ADH1A: variants seen among roughly 807,000 people sequenced by gnomAD.
The protein encoded by ADH1A is alcohol dehydrogenase 1A (class I), alpha polypeptide.
Under a neutral mutation model 35.2 loss-of-function variants are expected in ADH1A, and 29 were observed. The ratio of observed to expected loss-of-function variants is 0.82; its 90% CI spans 0.61 to 1.12. The LOEUF is 1.12. Among genes scored for constraint, ADH1A ranks in the 50% most tolerant of loss-of-function variants. ADH1A has a pLI of 0.00. For synonymous variants in ADH1A, 147 were observed against 164.8 expected (o/e 0.89, Z 0.83); for missense variants, 469 against 464.7 (o/e 1.01, Z -0.09).
chr4:99,283,876 C>T (rs1733066414), intron 5 of ADH1A, among the ~76,000 whole-genome samples: 1 of 152,066 alleles, frequency 6.6e-6, no homozygotes, highest in South Asian at 2.1e-4. Context: ...ATCACTGAAG[C>T]GTCATTACTT....
At chr4:99,278,891 T>A (rs1382754934) in intron 8 of ADH1A, among the ~76,000 whole-genome samples, 1 of 152,038 alleles carries the variant, frequency 6.6e-6, no homozygotes, top group African/African-American at 2.4e-5. Context: ...TTATAATAAC[T>A]TTTATTGATA....
intron 7 of ADH1A, 57 bp from the exon 8 acceptor site, chr4:99,279,621 GAGA>G (rs1682345904): frequency 7.7e-6 from 12 of 1,554,176 alleles, no homozygotes; most frequent in African/African-American, 2.8e-5. Context: ...GAGAATTGAA[GAGA>G]AGATTTTCCA....
At chr4:99,289,726 A>G (rs2110613682) in intron 1 of ADH1A, among the ~76,000 whole-genome samples, 1 of 152,278 alleles carries the variant, frequency 6.6e-6, no homozygotes, top group East Asian at 1.9e-4. Flanking sequence ...AGGGGAGGCA[A>G]TTGTCTATTT....
chr4:99,283,609 A>G (rs1207902472), intron 5 of ADH1A, among the ~76,000 whole-genome samples: 3 of 152,220 alleles, frequency 2.0e-5, no homozygotes, highest in Non-Finnish European at 4.4e-5. Context: ...ATCATGATCT[A>G]AGATTCAGCA....
At chr4:99,280,571 T>G (rs2110604401) in intron 6 of ADH1A, among the ~76,000 whole-genome samples, 1 of 152,320 alleles carries the variant, frequency 6.6e-6, no homozygotes, top group Middle Eastern at 3.4e-3. Context: ...TAAGTCCAGT[T>G]CCTTATATAA....
At chr4:99,282,685 A>G in intron 5 of ADH1A, 79 bp from the exon 6 acceptor site, 1 of 1,543,334 alleles carries the variant, frequency 6.5e-7, no homozygotes. Context: ...AAAGCTGCTC[A>G]AACTCTTCTG....
rs915112444 is a variant in ADH1A at position 99,284,934 on chromosome 4, T to A, written c.260-131A>T. ...AAAGTCTCCAAGAAATACAGTCCAA[T>A]CACAAATATGTCATTTGTCATTGCC... is the stretch of plus-strand genomic sequence containing the variant. On this transcript the variant is annotated intron_variant, in intron 3 of 8. Transcript: ENST00000209668. 19 of 839,880 alleles carry A rather than the reference T, an allele frequency of 2.3e-5. No individual in the cohort carries two copies. The African/African-American group carries it at 2.8e-4, about 12-fold the overall frequency. The allele number at this position is 839,880 out of a possible 1,614,324, so 52.0% of individuals were successfully genotyped here.
At position 99,284,782 on chromosome 4, in the gene ADH1A, G is replaced by C. The variant is rs764484478; in HGVS notation, c.281C>G (p.Ala94Gly). Residue 94 changes from alanine (A) to glycine (G), a missense_variant, in exon 4 of 9, where the codon GCT (alanine) becomes GGT (glycine). Physicochemically the swap from Ala to Gly is moderately conservative, Grantham distance 60. Transcript: ENST00000209668. ...VKPGDKVIPL[A>G]IPQCGKCRIC... is the part of the protein sequence containing the mutation. ...TCTGCATTTTCCACACTGAGGAATA[G>C]CGAGTGGGATGACTTTATCACCTGG... is the stretch of plus-strand genomic sequence containing the variant. 3 of 1,614,044 alleles carry C rather than the reference G, an allele frequency of 1.9e-6. No homozygotes were observed. In the African/African-American group the frequency reaches 4.0e-5, roughly 22 times the overall value.
chr4:99,287,234 T>C (rs1733174575), intron 2 of ADH1A, among the ~76,000 whole-genome samples: 1 of 152,170 alleles, frequency 6.6e-6, no homozygotes, highest in South Asian at 2.1e-4. Flanking sequence ...AATAGTTAAG[T>C]CTTAAATAAT....
intron 2 of ADH1A, 149 bp downstream of exon 2, chr4:99,287,415 T>G (rs1348420170): frequency 1.3e-6 from 1 of 788,606 alleles, no homozygotes; most frequent in Non-Finnish European, 1.9e-6. Context: ...GTGTGCACTT[T>G]TTTAAAATTT....
At chr4:99,278,480 A>G (rs1299773155) in intron 8 of ADH1A, 1 of 152,112 alleles carries the variant, frequency 6.6e-6, no homozygotes, top group Non-Finnish European at 1.5e-5. Flanking sequence ...GACACCGAGC[A>G]TTGCCTGGGA....
At chr4:99,287,010 T>A (rs1462985219) in intron 2 of ADH1A, 22 bp from the exon 3 acceptor site, 3 of 1,598,030 alleles carry the variant, frequency 1.9e-6, no homozygotes, top group Admixed American at 1.8e-5. Flanking sequence ...AGAGAAGATG[T>A]TTATAAAAGA....
At chr4:99,290,737 T>C (rs944139122) in intron 1 of ADH1A, among the ~76,000 whole-genome samples, 160 bp downstream of exon 1, 1 of 152,226 alleles carries the variant, frequency 6.6e-6, no homozygotes, top group African/African-American at 2.4e-5. Context: ...TCCACTGTAG[T>C]TCAGTATACA....
At chr4:99,287,374 A>G (rs1733178907) in intron 2 of ADH1A, among the ~76,000 whole-genome samples, 190 bp downstream of exon 2, 1 of 152,166 alleles carries the variant, frequency 6.6e-6, no homozygotes, top group African/African-American at 2.4e-5. Context: ...ACAAACACAT[A>G]AATTCTTTTG....
In ADH1A at chr4:99,282,507, C is replaced by T. The variant is rs747203092; in HGVS notation, c.667G>A (p.Val223Met). 43 of 1,614,070 alleles carry T rather than the reference C, an allele frequency of 2.7e-5. No homozygotes were observed. The highest frequency in any genetic ancestry group is 3.5e-5 in the Non-Finnish European group (41 of 1,180,038). Residue 223 changes from valine to methionine, a missense_variant, in exon 6 of 9, where the codon GTG becomes ATG. Val to Met is a conservative substitution (Grantham distance 21). Coordinates refer to ENST00000209668, the MANE Select transcript of ADH1A (RefSeq NM_000667.4). ...KAAGAARIIA[V>M]DINKDKFAKA... Reference sequence around the variant, plus strand: ...GCAAATTTGTCCTTGTTGATGTCCACCGCAATGATTCTGGCTGCCCCAGCT... The same window carrying T: ...GCAAATTTGTCCTTGTTGATGTCCATCGCAATGATTCTGGCTGCCCCAGCT...
rs893807596 is a variant in ADH1A, at chr4:99,284,817, A to T, written c.260-14T>A. 6.2e-7 allele frequency: 1 copy of T among 1,607,962 alleles called. No individual in the cohort carries two copies. The highest frequency in any genetic ancestry group is 1.3e-5 in the African/African-American group (1 of 74,882). On this transcript the variant is annotated splice_polypyrimidine_tract_variant and intron_variant, in intron 3 of 8. Coordinates refer to ENST00000209668, the MANE Select transcript of ADH1A (RefSeq NM_000667.4). ...TGACTTTATCACCTGGAGAGGGATA[A>T]AACAAATTCTTTTACAATTTCTATC...
rs142147619 is a variant in ADH1A, at chr4:99,282,378, A to T, written c.796T>A (p.Ser266Thr). The change falls in exon 6 of 9, where the codon TCA becomes ACA. Residue 266 changes from serine to threonine, a missense_variant. Transcript: ENST00000209668. ...TCAAGCCGACCGATGACTTCAAATG[A>T]AAAATCCACACCTCCATCAGTCATT... is the stretch of plus-strand genomic sequence containing the variant. ...KEMTDGGVDF[S>T]FEVIGRLDTM... is the part of the protein sequence containing the mutation. 130 of 1,614,168 alleles carry T rather than the reference A, an allele frequency of 8.1e-5. No individual in the cohort carries two copies. The African/African-American group carries it at 1.4e-3, about 17-fold the overall frequency.
intron 5 of ADH1A, 115 bp from the exon 6 acceptor site, chr4:99,282,721 T>C (rs1209699255): frequency 4.8e-6 from 7 of 1,469,162 alleles, no homozygotes; most frequent in Admixed American, 2.5e-5. Flanking sequence ...AAACCTCTTT[T>C]GGCTTCAGTT....
Position 99,279,566 on chromosome 4 carries a change from T to C in ADH1A, c.965-2A>G, listed in dbSNP as rs772405444. The C allele has an allele frequency of 6.2e-7, 1 of 1,606,902 alleles. No individual in the cohort carries two copies. The highest frequency in any genetic ancestry group is 8.5e-7 in the Non-Finnish European group (1 of 1,177,920). On this transcript the variant is annotated splice_acceptor_variant, in intron 7 of 8. Transcript: ENST00000209668. LOFTEE classifies it high-confidence loss of function. ...GGACACATTCTTTACTTTTAAAGCC[T>C]GAAAAGAAGATGGTATCATTGTTAG...
Sources: allele counts gnomAD v4.1 joint callset (sites outside exome capture counted in the v4.1 genomes callset), GRCh38; gene constraint gnomAD v4.1.1; transcripts MANE v1.5; gene names NCBI Gene and HGNC (gene_info 2026-07-23, HGNC 2026-07-21).